The following FREM1 variants were observed in gnomAD, a reference collection of about 807,000 sequenced individuals.
FREM1 encodes the protein FRAS1 related extracellular matrix 1.
FREM1 carries 220 observed loss-of-function variants against 210.1 expected under a neutral mutation model. The observed-to-expected ratio is 1.05, with a 90% CI of 0.94 to 1.17. The LOEUF is 1.17. Ranked by LOEUF, FREM1 falls within the 50% of genes most tolerant of loss-of-function variation. The probability of loss-of-function intolerance (pLI) is 0.00; values close to 1 mark genes in which losing one functional copy is unlikely to be tolerated. For missense variants in FREM1, 3,454 were observed against 2,675.5 expected, an observed-to-expected ratio of 1.29 and a Z score of -6.42; for synonymous variants, 1,189 against 980.2, an observed-to-expected ratio of 1.21 and a Z score of -3.98.
At chr9:14,830,608 G>A (rs983806442) in intron 10 of FREM1, among the ~76,000 whole-genome samples, 10 of 152,134 alleles carry the variant, frequency 6.6e-5, no homozygotes, top group Non-Finnish European at 7.4e-5. Context: ...TGTGCCCACC[G>A]GAAGACCTCC....
At chr9:14,846,497 A>G (rs1425839046) in intron 7 of FREM1, among the ~76,000 whole-genome samples, 2 of 152,178 alleles carry the variant, frequency 1.3e-5, no homozygotes, top group Non-Finnish European at 2.9e-5. Flanking sequence ...CTACACGTTC[A>G]GCACATATAC....
At chr9:14,746,296 C>T in intron 35 of FREM1, 57 bp downstream of exon 35, 1 of 1,261,606 alleles carries the variant, frequency 7.9e-7, no homozygotes, top group Non-Finnish European at 1.1e-6. Flanking sequence ...CTTCCATGAG[C>T]AAATAGAGAA....
In FREM1 at chr9:14,868,809, C is replaced by T. The variant is rs776776547; in HGVS notation, c.169G>A (p.Ala57Thr). 6 of 1,613,084 alleles carry T rather than the reference C, an allele frequency of 3.7e-6. No homozygotes were observed. Among genetic ancestry groups the T allele is most frequent in the Middle Eastern group, 1.6e-4 (1 of 6,062 alleles). The change falls in exon 2 of 37, where the codon GCC becomes ACC. Residue 57 changes from alanine to threonine, a missense_variant. Transcript: ENST00000380880. ...TTCATCACAACTTCCACTTTGCAGG[C>T]ATCTTTCTCTTTAGGGATGGCAAAC... is the stretch of plus-strand genomic sequence containing the variant. ...LKFAIPKEKDACKVEVVMNEP... is the reference protein window; with the variant it reads ...LKFAIPKEKDTCKVEVVMNEP...
At chr9:14,815,280 T>G (rs908149111) in intron 15 of FREM1, among the ~76,000 whole-genome samples, 1 of 152,334 alleles carries the variant, frequency 6.6e-6, no homozygotes, top group Non-Finnish European at 1.5e-5. Flanking sequence ...TCAATGATTT[T>G]GGGCAAGTCA....
At chr9:14,782,280 C>A (rs1038093958) in intron 24 of FREM1, 6 of 621,440 alleles carry the variant, frequency 9.7e-6, no homozygotes, top group African/African-American at 7.9e-5. Context: ...ATAAGACTTT[C>A]TCTGGATGCA....
chr9:14,775,693 G>C (rs1161873395), intron 25 of FREM1, 96 bp downstream of exon 25: 1 of 771,320 alleles, frequency 1.3e-6, no homozygotes, highest in Non-Finnish European at 2.0e-6. Context: ...GGGTGACAGA[G>C]AGAGACTCCC....
chr9:14,766,582 C>T (rs554103347), intron 27 of FREM1, among the ~76,000 whole-genome samples: 1 of 152,248 alleles, frequency 6.6e-6, no homozygotes, highest in South Asian at 2.1e-4. Flanking sequence ...TAGAGTGGAG[C>T]ATCTATTCAT....
chr9:14,881,026 G>T (rs911090192), intron 1 of FREM1, among the ~76,000 whole-genome samples: 1 of 152,108 alleles, frequency 6.6e-6, no homozygotes, highest in African/African-American at 2.4e-5. Context: ...CAAAGGCACC[G>T]GTGGGATTTC....
intron 18 of FREM1, among the ~76,000 whole-genome samples, chr9:14,805,667 C>T (rs890158182): frequency 2.6e-5 from 4 of 152,158 alleles, no homozygotes; most frequent in African/African-American, 7.2e-5. Flanking sequence ...AGAGAAAATG[C>T]TTAAAGATGT....
intron 35 of FREM1, among the ~76,000 whole-genome samples, chr9:14,741,489 A>T (rs1430871079): frequency 6.6e-6 from 1 of 152,040 alleles, no homozygotes; most frequent in East Asian, 1.9e-4. Flanking sequence ...CTTGGCTCTG[A>T]CCTCATTATT....
rs375233918 is a variant in FREM1, at chr9:14,868,989, C to G, written c.-12G>C. 5.9e-6 allele frequency: 9 copies of G among 1,531,946 alleles called. No individual in the cohort carries two copies. Among genetic ancestry groups the G allele is most frequent in the East Asian group, 2.4e-5 (1 of 42,064 alleles). 94.9% of individuals were successfully genotyped at this position (1,531,946 alleles called of 1,614,324 possible). On this transcript the variant is annotated 5_prime_UTR_variant, in exon 2 of 37. Transcript: ENST00000380880. The stretch of plus-strand genomic sequence containing the variant: ...CTCAGAGAGTTCATGCTGACAGGGC[C>G]CAACTCTTCTCTGTCCACCGGCGAA...
In FREM1 at chr9:14,860,992, CAT is replaced by C. The variant is rs1346715560; in HGVS notation, c.330-1510_330-1509del. On this transcript the variant is annotated intron_variant, in intron 3 of 36. Transcript: ENST00000380880. ...ATATATACATATATACACATATATA[CAT>C]ATATATACACATATATACATATATA... is the stretch of plus-strand genomic sequence containing the variant. 3.2e-3 allele frequency among the ~76,000 whole-genome samples: 392 copies of C among 122,670 alleles called. 44 individuals carry two copies. The highest frequency in any genetic ancestry group is 0.015 in the South Asian group (58 of 3,970). 80.5% of individuals were successfully genotyped at this position (122,670 alleles called of 152,430 possible). A position where few individuals can be genotyped will look rare whatever the true frequency, so the allele number is the denominator to read the frequency against.
intron 10 of FREM1, among the ~76,000 whole-genome samples, chr9:14,840,300 G>A (rs1267503392): frequency 2.6e-5 from 4 of 152,170 alleles, no homozygotes. Flanking sequence ...AAAATGCCTA[G>A]CAAAATGTAC....
intron 12 of FREM1, 103 bp downstream of exon 12, chr9:14,823,922 T>G (rs756817500): frequency 3.7e-5 from 20 of 543,714 alleles, no homozygotes; most frequent in Middle Eastern, 2.9e-4. Flanking sequence ...CAAGTCTTTG[T>G]GGATGTCAAA....
intron 10 of FREM1, among the ~76,000 whole-genome samples, chr9:14,832,392 G>T (rs1057195264): frequency 6.6e-6 from 1 of 152,156 alleles, no homozygotes; most frequent in Non-Finnish European, 1.5e-5. Flanking sequence ...AAAACAGGCA[G>T]CTCTGCACGC....
In FREM1 at chr9:14,859,401, C is replaced by T; in HGVS notation, c.413G>A (p.Ser138Asn). 6.2e-7 allele frequency: 1 copy of T among 1,613,844 alleles called. No homozygotes were observed. The highest frequency in any genetic ancestry group is 8.5e-7 in the Non-Finnish European group (1 of 1,179,754). ...LEPDCNIIHM[S>N]NNVLEVPEFN... is the part of the protein sequence containing the mutation. ...TTCAGGCACCTCCAGCACATTGTTA[C>T]TCATATGGATGATGTTACAGTCTGG... The change falls in exon 4 of 37, where the codon AGT (serine) becomes AAT (asparagine). Residue 138 changes from serine (S) to asparagine (N), a missense_variant. Coordinates refer to ENST00000380880, the MANE Select transcript of FREM1 (RefSeq NM_001379081.2).
At chr9:14,873,599 G>T (rs1030993950) in intron 1 of FREM1, among the ~76,000 whole-genome samples, 1 of 151,874 alleles carries the variant, frequency 6.6e-6, no homozygotes, top group African/African-American at 2.4e-5. Flanking sequence ...CAATTTTGTT[G>T]ATCCTTTCAA....
rs181091092 is a variant in FREM1 at position 14,861,064 on chromosome 9, C to T, written c.330-1580G>A. On this transcript the variant is annotated intron_variant, in intron 3 of 36. Transcript: ENST00000380880. ...ATATATACATATATACATATATACA[C>T]ATATACATATATACATATATACACA... is the stretch of plus-strand genomic sequence containing the variant. 6.1e-3 allele frequency among the ~76,000 whole-genome samples: 253 copies of T among 41,154 alleles called. 23 individuals carry two copies. Among genetic ancestry groups the T allele is most frequent in the African/African-American group, 0.022 (207 of 9,538 alleles). 27.0% of individuals were successfully genotyped at this position (41,154 alleles called of 152,430 possible).
intron 35 of FREM1, among the ~76,000 whole-genome samples, chr9:14,744,251 G>C (rs1412123110): frequency 6.6e-6 from 1 of 151,848 alleles, no homozygotes; most frequent in Non-Finnish European, 1.5e-5. Context: ...AAAAAAATCT[G>C]GGTATAATTT....
Sources: allele counts gnomAD v4.1 joint callset (sites outside exome capture counted in the v4.1 genomes callset), GRCh38; gene constraint gnomAD v4.1.1; transcripts MANE v1.5; gene names NCBI Gene and HGNC (gene_info 2026-07-23, HGNC 2026-07-21).